Variants in WIPI2 observed in about 807,000 individuals in gnomAD.
The protein encoded by WIPI2 is WD repeat domain phosphoinositide-interacting protein 2.
Under a neutral mutation model 52.3 loss-of-function variants are expected in WIPI2, and 28 were observed. The ratio of observed to expected loss-of-function variants is 0.54; its 90% CI spans 0.40 to 0.73. The LOEUF (loss-of-function observed/expected upper bound fraction) is 0.73, where lower values mean the gene tolerates loss of function less well. Among genes scored for constraint, WIPI2 ranks in the 30% least tolerant of loss-of-function variants. The pLI is 0.00. For synonymous variants in WIPI2, 268 were observed against 245.0 expected, an observed-to-expected ratio of 1.09 and a Z score of -0.88; for missense variants, 506 against 602.9, an observed-to-expected ratio of 0.84 and a Z score of 1.68.
intron 9 of WIPI2, chr7:5,226,285 T>C (rs899068156): frequency 2.4e-5 from 6 of 247,760 alleles, no homozygotes; most frequent in Admixed American, 2.0e-4. Flanking sequence ...GGCTCGTCTC[T>C]TACCTTCCCA....
At chr7:5,221,956 T>TTA (rs1341172658) in intron 7 of WIPI2, among the ~76,000 whole-genome samples, 2 of 97,608 alleles carry the variant, frequency 2.0e-5, no homozygotes, top group Admixed American at 9.1e-5. Context: ...CTTTTATTTT[T>TTA]TTTTTTTTTC....
chr7:5,201,772 G>A (rs981383065), intron 3 of WIPI2, among the ~76,000 whole-genome samples: 1 of 152,100 alleles, frequency 6.6e-6, no homozygotes, highest in Non-Finnish European at 1.5e-5. Context: ...AAGAGTGGAT[G>A]TTTCCTGACC....
intron 7 of WIPI2, among the ~76,000 whole-genome samples, chr7:5,222,244 C>G (rs13246512): frequency 1.3e-5 from 2 of 152,158 alleles, no homozygotes; most frequent in Non-Finnish European, 2.9e-5. Context: ...CCACCACGCC[C>G]GGCCCAGGCT....
chr7:5,219,204 A>T (rs548000829), intron 7 of WIPI2, among the ~76,000 whole-genome samples: 1 of 151,740 alleles, frequency 6.6e-6, no homozygotes, highest in South Asian at 2.1e-4. Context: ...GCAAGGGCTC[A>T]GAAAGGTTAA....
chr7:5,209,284 A>G (rs913635158), intron 3 of WIPI2, among the ~76,000 whole-genome samples: 2 of 152,016 alleles, frequency 1.3e-5, no homozygotes, highest in Non-Finnish European at 2.9e-5. Context: ...TGTGCCTTTT[A>G]TTTCTTTTTC....
intron 2 of WIPI2, among the ~76,000 whole-genome samples, chr7:5,195,506 A>G (rs1269880210): frequency 6.6e-6 from 1 of 152,234 alleles, no homozygotes; most frequent in Non-Finnish European, 1.5e-5. Flanking sequence ...ATAAAAATAA[A>G]TAAATCCCAC....
intron 5 of WIPI2, 94 bp downstream of exon 5, chr7:5,216,753 C>A: frequency 8.2e-7 from 1 of 1,215,770 alleles, no homozygotes; most frequent in South Asian, 1.3e-5. Flanking sequence ...TTATAGGTTC[C>A]GCAGATGAGA....
In WIPI2 at chr7:5,214,596, C is replaced by G. The variant is rs4587243; in HGVS notation, c.273C>G (p.Val91=). ...TCTCCAGCAGCCTAGTGGCCATCGT[C>G]AGCCTTAAAGCACCAAGGAAGCTAA... ...RLFSSSLVAI[V]SLKAPRKLKV... is the part of the protein sequence containing the mutation. The change falls in exon 4 of 13, where the codon GTC becomes GTG. Residue 91 remains valine (V), a synonymous_variant. Transcript: ENST00000288828. 1,590,430 of 1,614,266 alleles carry G rather than the reference C, an allele frequency of 0.99. 783,517 individuals are homozygous for G. Among genetic ancestry groups the G allele is most frequent in the East Asian group, 1 (44,890 of 44,890 alleles).
At chr7:5,214,938 G>A (rs373609722) in intron 4 of WIPI2, among the ~76,000 whole-genome samples, 41 of 152,298 alleles carry the variant, frequency 2.7e-4, no homozygotes, top group Middle Eastern at 3.4e-3. Flanking sequence ...CCATACAGGC[G>A]TCCCCGGCCC....
chr7:5,214,854 C>G (rs1221382399), intron 4 of WIPI2, 150 bp downstream of exon 4: 1 of 889,220 alleles, frequency 1.1e-6, no homozygotes, highest in African/African-American at 1.7e-5. Flanking sequence ...GAGACCAGCT[C>G]TGTTTCCTCA....
intron 3 of WIPI2, among the ~76,000 whole-genome samples, chr7:5,207,070 G>C (rs575432221): frequency 3.6e-3 from 536 of 148,672 alleles, no homozygotes; most frequent in Non-Finnish European, 6.1e-3. Flanking sequence ...ACCACACCTG[G>C]CTTTATTTTG....
intron 7 of WIPI2, among the ~76,000 whole-genome samples, chr7:5,219,300 C>T (rs779472679): frequency 3.9e-5 from 6 of 152,338 alleles, no homozygotes; most frequent in Admixed American, 2.0e-4. Flanking sequence ...GCTAGACTAT[C>T]CCAATAGCAC....
intron 11 of WIPI2, among the ~76,000 whole-genome samples, chr7:5,228,797 C>T (rs1783573679): frequency 6.6e-6 from 1 of 152,208 alleles, no homozygotes; most frequent in Admixed American, 6.5e-5. Context: ...GGTGCAGTCA[C>T]AGCTCACTGC....
chr7:5,219,870 C>G (rs191867735), intron 7 of WIPI2, among the ~76,000 whole-genome samples: 4 of 151,324 alleles, frequency 2.6e-5, no homozygotes, highest in Non-Finnish European at 5.9e-5. Context: ...CATGCTTGCT[C>G]TGTCACCCAG....
At chr7:5,214,777 C>A (rs920640041) in intron 4 of WIPI2, 73 bp downstream of exon 4, 23 of 1,533,888 alleles carry the variant, frequency 1.5e-5, no homozygotes, top group Middle Eastern at 3.4e-4. Context: ...CCCACCCCAC[C>A]GGCATGCCCC....
intron 2 of WIPI2, among the ~76,000 whole-genome samples, chr7:5,197,750 G>T (rs1471557100): frequency 6.6e-6 from 1 of 152,126 alleles, no homozygotes. Context: ...CTATCTTGGG[G>T]TACAAATACT....
chr7:5,208,269 C>CT (rs1397156453), intron 3 of WIPI2, among the ~76,000 whole-genome samples: 2 of 151,966 alleles, frequency 1.3e-5, no homozygotes, highest in Non-Finnish European at 2.9e-5. Flanking sequence ...GGTTGTTTAT[C>CT]TTTTTATTAT....
intron 2 of WIPI2, among the ~76,000 whole-genome samples, chr7:5,197,130 A>G (rs1438939898): frequency 6.7e-6 from 1 of 148,488 alleles, no homozygotes; most frequent in Non-Finnish European, 1.5e-5. Flanking sequence ...AAAAAAAAAA[A>G]AAAAAAAAAA....
intron 1 of WIPI2, among the ~76,000 whole-genome samples, chr7:5,192,913 T>C (rs530101293): frequency 6.6e-6 from 1 of 152,346 alleles, no homozygotes; most frequent in South Asian, 2.1e-4. Flanking sequence ...CTAGAATATA[T>C]ATGTTATAGG....
Sources: gnomAD v4.1 joint callset for allele counts (sites outside exome capture counted in the v4.1 genomes callset) on GRCh38, gnomAD v4.1.1 for gene constraint, MANE v1.5 for transcripts, NCBI Gene and HGNC (gene_info 2026-07-23, HGNC 2026-07-21) for gene names.